The following MAN1A2 variants were observed in gnomAD, a reference collection of about 807,000 sequenced individuals.
MAN1A2 encodes the protein mannosyl-oligosaccharide 1,2-alpha-mannosidase IB.
Under a neutral mutation model 75.7 loss-of-function variants are expected in MAN1A2, and 26 were observed. The observed-to-expected ratio is 0.34, with a 90% CI of 0.25 to 0.48. MAN1A2 has a LOEUF of 0.48. Ranked by LOEUF, MAN1A2 falls within the 20% of genes least tolerant of loss-of-function variation. The probability of loss-of-function intolerance (pLI) is 0.99; values close to 1 mark genes in which losing one functional copy is unlikely to be tolerated. For missense variants in MAN1A2, 562 were observed against 775.5 expected, an observed-to-expected ratio of 0.72 and a Z score of 3.27; for synonymous variants, 247 against 264.6, an observed-to-expected ratio of 0.93 and a Z score of 0.65.
intron 6 of MAN1A2, among the ~76,000 whole-genome samples, chr1:117,452,160 C>T (rs939806637): frequency 1.3e-5 from 2 of 150,082 alleles, no homozygotes; most frequent in African/African-American, 2.5e-5. Context: ...TACAGAAACT[C>T]GCTGGGCATG....
intron 7 of MAN1A2, 91 bp from the exon 8 acceptor site, chr1:117,466,243 C>CGG: frequency 3.8e-6 from 3 of 797,932 alleles, no homozygotes; most frequent in South Asian, 1.9e-5. Flanking sequence ...GGTGTAGATT[C>CGG]TGAGTAAGAA....
chr1:117,441,062 T>C (rs1366511284), intron 5 of MAN1A2, among the ~76,000 whole-genome samples: 2 of 152,194 alleles, frequency 1.3e-5, no homozygotes, highest in Admixed American at 1.3e-4. Flanking sequence ...TGGTAAATTG[T>C]AGATGTGTGA....
chr1:117,458,273 C>T (rs1041483775), intron 6 of MAN1A2, among the ~76,000 whole-genome samples: 11 of 151,572 alleles, frequency 7.3e-5, no homozygotes, highest in African/African-American at 2.7e-4. Flanking sequence ...GTTACTATAT[C>T]CATATTTATT....
chr1:117,461,415 G>A (rs527487013), intron 7 of MAN1A2, among the ~76,000 whole-genome samples: 3 of 152,234 alleles, frequency 2.0e-5, no homozygotes, highest in African/African-American at 7.2e-5. Context: ...AGTGAGGAGA[G>A]AAGGATAAAA....
At chr1:117,513,805 T>C (rs1316831943) in intron 12 of MAN1A2, among the ~76,000 whole-genome samples, 1 of 152,162 alleles carries the variant, frequency 6.6e-6, no homozygotes, top group Non-Finnish European at 1.5e-5. Context: ...TTTGTCTGGC[T>C]TTTTAAAAAA....
At chr1:117,377,084 T>C (rs1653172222) in intron 1 of MAN1A2, among the ~76,000 whole-genome samples, 1 of 152,204 alleles carries the variant, frequency 6.6e-6, no homozygotes, top group African/African-American at 2.4e-5. Context: ...ATGAACATAT[T>C]TACATATGGC....
At chr1:117,393,327 A>G (rs1460261149) in intron 1 of MAN1A2, among the ~76,000 whole-genome samples, 1 of 152,162 alleles carries the variant, frequency 6.6e-6, no homozygotes, top group African/African-American at 2.4e-5. Context: ...AAGGTCTTAA[A>G]TTCCTTCAGG....
chr1:117,520,226 G>A (rs186773716), intron 12 of MAN1A2, among the ~76,000 whole-genome samples: 5 of 152,042 alleles, frequency 3.3e-5, no homozygotes, highest in Admixed American at 3.3e-4. Context: ...ATAGTGAATG[G>A]GGAACAGTTG....
chr1:117,471,149 T>C (rs2101847775), intron 8 of MAN1A2, among the ~76,000 whole-genome samples: 1 of 152,022 alleles, frequency 6.6e-6, no homozygotes, highest in African/African-American at 2.4e-5. Context: ...TTTATATTAC[T>C]AAATTTATAA....
intron 3 of MAN1A2, among the ~76,000 whole-genome samples, chr1:117,410,446 A>T (rs1255034743): frequency 6.6e-6 from 1 of 151,830 alleles, no homozygotes; most frequent in Non-Finnish European, 1.5e-5. Context: ...TGATAAAGAG[A>T]ATTTCAAAAC....
At chr1:117,413,497 C>A (rs1251084341) in intron 3 of MAN1A2, among the ~76,000 whole-genome samples, 1 of 151,778 alleles carries the variant, frequency 6.6e-6, no homozygotes, top group African/African-American at 2.4e-5. Flanking sequence ...CAAGAAAACC[C>A]GTTGATAAGA....
At chr1:117,420,475 A>C (rs1648149525) in intron 4 of MAN1A2, 94 bp from the exon 5 acceptor site, 2 of 830,816 alleles carry the variant, frequency 2.4e-6, no homozygotes, top group Admixed American at 2.2e-5. Flanking sequence ...TATTTTCCAC[A>C]GGGTGTTTGT....
At chr1:117,400,872 T>G (rs1483338737) in intron 1 of MAN1A2, among the ~76,000 whole-genome samples, 3 of 152,184 alleles carry the variant, frequency 2.0e-5, no homozygotes, top group Non-Finnish European at 4.4e-5. Context: ...AACATAAAAT[T>G]TACCATCTTA....
In MAN1A2 at chr1:117,523,429, G is replaced by C. The variant is rs1651924199; in HGVS notation, c.*472G>C. On this transcript the variant is annotated 3_prime_UTR_variant, in exon 13 of 13. Coordinates refer to ENST00000356554, the MANE Select transcript of MAN1A2 (RefSeq NM_006699.5). ...TTTTTCTCCATTTTAATAATGGAAT[G>C]AACTAAAATAAACAAGAACAAAAGA... 11 of 330,206 alleles carry C rather than the reference G, an allele frequency of 3.3e-5. No individual in the cohort carries two copies. The highest frequency in any genetic ancestry group is 2.7e-4 in the South Asian group (11 of 40,302). 20.5% of individuals were successfully genotyped at this position (330,206 alleles called of 1,614,324 possible). A position where few individuals can be genotyped will look rare whatever the true frequency, so the allele number is the denominator to read the frequency against.
chr1:117,487,676 T>C (rs1254053635), intron 8 of MAN1A2, among the ~76,000 whole-genome samples: 1 of 152,046 alleles, frequency 6.6e-6, no homozygotes, highest in East Asian at 1.9e-4. Flanking sequence ...GTTGTTTTGA[T>C]ATATACATAT....
intron 9 of MAN1A2, among the ~76,000 whole-genome samples, chr1:117,495,387 G>A (rs1651008942): frequency 6.6e-6 from 1 of 151,736 alleles, no homozygotes; most frequent in Admixed American, 6.6e-5. Flanking sequence ...TAAAATAAAT[G>A]ACATATGGAA....
At chr1:117,486,972 G>A (rs1650726031) in intron 8 of MAN1A2, among the ~76,000 whole-genome samples, 1 of 152,022 alleles carries the variant, frequency 6.6e-6, no homozygotes, top group Non-Finnish European at 1.5e-5. Context: ...AGAGAGCTGA[G>A]TGTGAGTAAG....
chr1:117,445,866 G>GTATATATATATATATATA lies in MAN1A2; in HGVS notation c.950+3542_950+3543insATATATATATATATATAT, dbSNP rs1255167664. 1.0e-4 allele frequency among the ~76,000 whole-genome samples: 12 copies of GTATATATATATATATATA among 120,156 alleles called. 1 individual carries two copies. Among genetic ancestry groups the GTATATATATATATATATA allele is most frequent in the Middle Eastern group, 4.3e-3 (1 of 232 alleles). 78.8% of individuals were successfully genotyped at this position (120,156 alleles called of 152,430 possible). ...TGTGTGTGTGTGTGTGTGTATGTGT[G>GTATATATATATATATATA]TGTGTGTCTGTGTGTGTGTATATAT... is the stretch of plus-strand genomic sequence containing the variant. On this transcript the variant is annotated intron_variant, in intron 6 of 12. Transcript: ENST00000356554.
chr1:117,452,229 C>G (rs903157971), intron 6 of MAN1A2, among the ~76,000 whole-genome samples: 1 of 150,964 alleles, frequency 6.6e-6, no homozygotes, highest in Non-Finnish European at 1.5e-5. Flanking sequence ...ATCACTTGAA[C>G]CTGGGAGGCG....
Sources: allele counts gnomAD v4.1 joint callset (sites outside exome capture counted in the v4.1 genomes callset), GRCh38; gene constraint gnomAD v4.1.1; transcripts MANE v1.5; gene names NCBI Gene and HGNC (gene_info 2026-07-23, HGNC 2026-07-21).